Variants in NELFA observed in about 807,000 individuals in gnomAD.
NELFA encodes the protein negative elongation factor A.
NELFA carries 35 observed loss-of-function variants against 51.8 expected under a neutral mutation model. That is an observed-to-expected ratio of 0.68 (90% CI 0.52 to 0.90). The LOEUF is 0.90. Ranked by LOEUF, NELFA falls within the 40% of genes least tolerant of loss-of-function variation. NELFA has a pLI of 0.00. For synonymous variants in NELFA, 417 were observed against 338.4 expected, an observed-to-expected ratio of 1.23 and a Z score of -2.55; for missense variants, 658 against 746.4, an observed-to-expected ratio of 0.88 and a Z score of 1.38.
rs1361504476 is a variant in NELFA at position 1,983,112 on chromosome 4, C to CA, written c.*206dup. 6 of 474,496 alleles carry CA rather than the reference C, an allele frequency of 1.3e-5. No individual in the cohort carries two copies. Among genetic ancestry groups the CA allele is most frequent in the Admixed American group, 3.9e-5 (1 of 25,956 alleles). 29.4% of individuals were successfully genotyped at this position (474,496 alleles called of 1,614,324 possible). On this transcript the variant is annotated 3_prime_UTR_variant, in exon 11 of 11. Transcript: ENST00000382882. ...AGTCCAAAAAGTGTCTTAAATCACACAAAAAAGAACCCATATTAAAATTTT... is the reference window on the plus strand; with the variant it reads ...AGTCCAAAAAGTGTCTTAAATCACACAAAAAAAGAACCCATATTAAAATTTT...
rs530273822 is a variant in NELFA at position 1,993,146 on chromosome 4, G to T, written c.211-1431C>A. On this transcript the variant is annotated intron_variant, in intron 1 of 10. Coordinates refer to ENST00000382882, the MANE Select transcript of NELFA (RefSeq NM_005663.5). ...ACGCCTGCCAAGAGGCAAGCGCGCGGCATTTTATAAAAATGGTAAGGATAA... is the reference window on the plus strand; with the variant it reads ...ACGCCTGCCAAGAGGCAAGCGCGCGTCATTTTATAAAAATGGTAAGGATAA... Among the ~76,000 whole-genome samples, 11 of 152,340 alleles carry T rather than the reference G, an allele frequency of 7.2e-5. No individual in the cohort carries two copies. The South Asian group carries it at 2.1e-3, about 29-fold the overall frequency.
intron 3 of NELFA, among the ~76,000 whole-genome samples, 178 bp from the exon 4 acceptor site, chr4:1,988,185 A>C (rs1728167739): frequency 6.6e-6 from 1 of 152,238 alleles, no homozygotes; most frequent in Non-Finnish European, 1.5e-5. Context: ...ACAACGAGTC[A>C]GAAACTCACT....
intron 1 of NELFA, among the ~76,000 whole-genome samples, chr4:2,002,166 C>G (rs1241889278): frequency 6.6e-6 from 1 of 151,938 alleles, no homozygotes; most frequent in Non-Finnish European, 1.5e-5. Context: ...CGCCACTGCA[C>G]TCCAGCCTGG....
At chr4:1,993,241 C>T (rs1011432998) in intron 1 of NELFA, among the ~76,000 whole-genome samples, 3 of 152,226 alleles carry the variant, frequency 2.0e-5, no homozygotes, top group Non-Finnish European at 4.4e-5. Context: ...CTCTCCAGAA[C>T]GCGCATGTTG....
In NELFA at chr4:1,987,908, G is replaced by C. The variant is rs771313415; in HGVS notation, c.634+10C>G. ...AAGCAAGGCTCACGGCACCAGGGTG[G>C]GGGCCTTACTGGTGGTGTCCATCTT... is the stretch of plus-strand genomic sequence containing the variant. On this transcript the variant is annotated intron_variant, in intron 4 of 10. Transcript: ENST00000382882. The C allele has an allele frequency of 2.5e-6, 4 of 1,598,108 alleles. No homozygotes were observed. The East Asian group carries it at 6.8e-5, about 27-fold the overall frequency.
intron 4 of NELFA, 191 bp downstream of exon 4, chr4:1,987,727 C>A: frequency 1.7e-6 from 1 of 579,802 alleles, no homozygotes; most frequent in Middle Eastern, 4.5e-4. Flanking sequence ...CCCACACATC[C>A]TCCCAGGGAG....
At chr4:1,987,024 G>T (rs930519550) in intron 4 of NELFA, among the ~76,000 whole-genome samples, 3 of 152,136 alleles carry the variant, frequency 2.0e-5, no homozygotes, top group Non-Finnish European at 4.4e-5. Flanking sequence ...TGCTCCAGGC[G>T]GGGTAGAGGA....
intron 1 of NELFA, among the ~76,000 whole-genome samples, chr4:1,998,437 C>T (rs777547677): frequency 4.6e-5 from 7 of 152,138 alleles, no homozygotes; most frequent in Admixed American, 3.3e-4. Flanking sequence ...CTAGAATAAC[C>T]GGTTTAGAGA....
Position 1,984,014 on chromosome 4 carries a change from C to T in NELFA, c.1136G>A (p.Ser379Asn). The T allele has an allele frequency of 6.2e-7, 1 of 1,608,710 alleles. No homozygotes were observed. The highest frequency in any genetic ancestry group is 8.5e-7 in the Non-Finnish European group (1 of 1,179,580). The change falls in exon 9 of 11, where the codon AGC (serine) becomes AAC (asparagine). Residue 379 changes from serine to asparagine, a missense_variant. Coordinates refer to ENST00000382882, the MANE Select transcript of NELFA (RefSeq NM_005663.5). ...CGTGGGTGTGGCAGGGCTCAGGCCG[C>T]TGTTGTACATGGGCGCCCGCTGCTT... Reference protein sequence around the residue: ...QFKQRAPMYNSGLSPATPTPA... With the variant: ...QFKQRAPMYNNGLSPATPTPA...
At chr4:1,992,402 C>A (rs1278105635) in intron 1 of NELFA, 1 of 357,888 alleles carries the variant, frequency 2.8e-6, no homozygotes, top group Admixed American at 3.5e-5. Flanking sequence ...TCCCTCAATA[C>A]CTGGGAGGCC....
At chr4:1,983,525 G>A (rs749652549) in intron 10 of NELFA, 22 bp from the exon 11 acceptor site, 2 of 1,612,912 alleles carry the variant, frequency 1.2e-6, no homozygotes, top group Non-Finnish European at 1.7e-6. Flanking sequence ...AGGAGCTGCT[G>A]GGTGGGTGTC....
chr4:1,995,546 T>C (rs1313092570), intron 1 of NELFA, among the ~76,000 whole-genome samples: 1 of 152,232 alleles, frequency 6.6e-6, no homozygotes, highest in Non-Finnish European at 1.5e-5. Context: ...TGACCCAGAA[T>C]GGCCTAGTCC....
intron 1 of NELFA, among the ~76,000 whole-genome samples, chr4:1,996,081 A>G (rs1728415009): frequency 6.6e-6 from 1 of 152,248 alleles, no homozygotes; most frequent in Non-Finnish European, 1.5e-5. Context: ...TTTCAAAACT[A>G]GAGTACATAT....
At chr4:1,988,428 T>G (rs1417240627) in intron 3 of NELFA, among the ~76,000 whole-genome samples, 1 of 152,254 alleles carries the variant, frequency 6.6e-6, no homozygotes, top group African/African-American at 2.4e-5. Flanking sequence ...TGGTTCAGTG[T>G]GGCTGAAGGG....
At chr4:1,988,691 C>T (rs1199827122) in intron 3 of NELFA, among the ~76,000 whole-genome samples, 2 of 152,228 alleles carry the variant, frequency 1.3e-5, no homozygotes, top group Non-Finnish European at 1.5e-5. Flanking sequence ...AATTCCATAA[C>T]CATTCAAAAT....
intron 3 of NELFA, among the ~76,000 whole-genome samples, chr4:1,988,946 G>GTTTTTTTT (rs35323893): frequency 7.3e-6 from 1 of 136,680 alleles, no homozygotes; most frequent in African/African-American, 2.7e-5. Context: ...AAGTTGGTGG[G>GTTTTTTTT]TTTTTTTTTT....
chr4:1,996,905 C>G (rs1306472088), intron 1 of NELFA, among the ~76,000 whole-genome samples: 1 of 152,024 alleles, frequency 6.6e-6, no homozygotes, highest in Non-Finnish European at 1.5e-5. Flanking sequence ...GCACTCCAGC[C>G]TCGATGACAG....
rs186395026 is a variant in NELFA, at chr4:1,998,755, C to T, written c.211-7040G>A. Among the ~76,000 whole-genome samples, 28 of 152,258 alleles carry T rather than the reference C, an allele frequency of 1.8e-4. No individual in the cohort carries two copies. In the East Asian group the frequency reaches 2.1e-3, roughly 12 times the overall value. ...AGGATATTATCCAGAACTTCCTCAA[C>T]CTAGAGACAGGCCAACATGCAAATT... is the stretch of plus-strand genomic sequence containing the variant. On this transcript the variant is annotated intron_variant, in intron 1 of 10. Coordinates refer to ENST00000382882, the MANE Select transcript of NELFA (RefSeq NM_005663.5).
intron 1 of NELFA, among the ~76,000 whole-genome samples, chr4:1,993,541 GCA>G (rs1227831149): frequency 6.8e-6 from 1 of 146,138 alleles, no homozygotes; most frequent in Non-Finnish European, 1.5e-5. Context: ...TCGCACCATT[GCA>G]CTCCAACCTG....
Sources: gnomAD v4.1 joint callset for allele counts (sites outside exome capture counted in the v4.1 genomes callset) on GRCh38, gnomAD v4.1.1 for gene constraint, MANE v1.5 for transcripts, NCBI Gene and HGNC (gene_info 2026-07-23, HGNC 2026-07-21) for gene names.